Variants in TBC1D1 observed in about 807,000 individuals in gnomAD.
TBC1D1 encodes the protein TBC1 (tre-2/USP6, BUB2, cdc16) domain family, member 1.
Under a neutral mutation model 125.6 loss-of-function variants are expected in TBC1D1, and 89 were observed. The observed-to-expected ratio is 0.71, with a 90% CI of 0.60 to 0.85. The LOEUF (loss-of-function observed/expected upper bound fraction) is 0.85. TBC1D1 is among the 40% of genes least tolerant of loss of function. The probability of loss-of-function intolerance (pLI) is 0.00; values close to 1 mark genes in which losing one functional copy is unlikely to be tolerated. For missense variants in TBC1D1, 1,377 were observed against 1,469.2 expected (o/e 0.94, Z 1.03); for synonymous variants, 565 against 564.1 (o/e 1.00, Z -0.02).
At chr4:38,074,003 C>G (rs1755150177) in intron 12 of TBC1D1, among the ~76,000 whole-genome samples, 1 of 152,196 alleles carries the variant, frequency 6.6e-6, no homozygotes, top group African/African-American at 2.4e-5. Flanking sequence ...TGCCAAGGAT[C>G]TCTCTCAACC....
intron 2 of TBC1D1, among the ~76,000 whole-genome samples, chr4:37,920,610 C>A (rs1041016044): frequency 2.0e-5 from 3 of 152,040 alleles, no homozygotes; most frequent in Admixed American, 6.6e-5. Flanking sequence ...TGAAGTTCAG[C>A]GGAGTGGGCA....
chr4:37,961,115 T>G (rs1057451842), intron 2 of TBC1D1: 15 of 1,469,570 alleles, frequency 1.0e-5, no homozygotes, highest in African/African-American at 1.4e-5. Flanking sequence ...ACATAATAAA[T>G]ACATAAATAT....
At chr4:37,928,782 A>C (rs1271260922) in intron 2 of TBC1D1, among the ~76,000 whole-genome samples, 3 of 152,250 alleles carry the variant, frequency 2.0e-5, no homozygotes, top group African/African-American at 7.2e-5. Context: ...AAACTATTTC[A>C]ATCTTTTCTA....
At chr4:38,077,916 C>T (rs1755876990) in intron 12 of TBC1D1, among the ~76,000 whole-genome samples, 2 of 151,988 alleles carry the variant, frequency 1.3e-5, no homozygotes, top group Admixed American at 1.3e-4. Context: ...CTGCTTCCTG[C>T]GATGGGGTAG....
chr4:37,907,829 T>A (rs1396994765), intron 2 of TBC1D1, among the ~76,000 whole-genome samples: 1 of 152,220 alleles, frequency 6.6e-6, no homozygotes, highest in Non-Finnish European at 1.5e-5. Context: ...CTCCAGTTCT[T>A]CAGCCTTGTC....
At chr4:38,043,443 C>G (rs1361010145) in intron 8 of TBC1D1, among the ~76,000 whole-genome samples, 2 of 151,722 alleles carry the variant, frequency 1.3e-5, no homozygotes, top group African/African-American at 4.8e-5. Flanking sequence ...ACAAAAACTA[C>G]AAAAAATTAG....
chr4:37,934,801 G>A (rs142869665), intron 2 of TBC1D1, among the ~76,000 whole-genome samples: 101 of 152,274 alleles, frequency 6.6e-4, no homozygotes, highest in African/African-American at 2.2e-3. Flanking sequence ...CAGAGTGGGC[G>A]TGGTTTTGCT....
In TBC1D1 at chr4:37,977,430, C is replaced by G; in HGVS notation, c.418-37079C>G. ...GCTCCCCAAGCCCGCCCCCGGCCGC[C>G]CGCGGGCCCACGGGCCGGCGGCGGG... On this transcript the variant is annotated intron_variant, in intron 2 of 19. Transcript: ENST00000261439. The surrounding 1 kb of genome is among the most constrained non-coding windows in gnomAD (Gnocchi z 4.3). 2 of 966,206 alleles carry G rather than the reference C, an allele frequency of 2.1e-6. No individual in the cohort carries two copies. Among genetic ancestry groups the G allele is most frequent in the Non-Finnish European group, 2.5e-6 (2 of 812,718 alleles). 59.9% of individuals were successfully genotyped at this position (966,206 alleles called of 1,614,324 possible).
At chr4:37,999,422 CAG>C (rs1738537899) in intron 2 of TBC1D1, among the ~76,000 whole-genome samples, 1 of 152,092 alleles carries the variant, frequency 6.6e-6, no homozygotes, top group African/African-American at 2.4e-5. Flanking sequence ...TTTAGAGAAA[CAG>C]AAACTGCCTC....
chr4:38,110,491 A>G lies in TBC1D1; in HGVS notation c.2558-5219A>G, dbSNP rs137858930. On this transcript the variant is annotated intron_variant, in intron 15 of 19. Coordinates refer to ENST00000261439, the MANE Select transcript of TBC1D1 (RefSeq NM_015173.4). ...CCGTTAGATGAGCAAAATTTTGTGG[A>G]GCACTTCATGAAGAGGAATTACTAG... 3.0e-6 allele frequency: 3 copies of G among 985,436 alleles called. No homozygotes were observed. In the East Asian group the frequency reaches 3.4e-4, roughly 112 times the overall value. 61.0% of individuals were successfully genotyped at this position (985,436 alleles called of 1,614,324 possible).
At chr4:37,956,041 T>G (rs1728871953) in intron 2 of TBC1D1, among the ~76,000 whole-genome samples, 1 of 152,136 alleles carries the variant, frequency 6.6e-6, no homozygotes, top group South Asian at 2.1e-4. Flanking sequence ...ACTTTTTTTT[T>G]TTTTTTGAAA....
rs546599641 is a variant in TBC1D1 at position 38,029,513 on chromosome 4, G to A, written c.1302+1634G>A. On this transcript the variant is annotated intron_variant, in intron 7 of 19. Coordinates refer to ENST00000261439, the MANE Select transcript of TBC1D1 (RefSeq NM_015173.4). The stretch of plus-strand genomic sequence containing the variant: ...CTCCCAAGTAGCTGAGATTTCAGCC[G>A]CCTGCCACCACCACACTGCTAAGTT... 3.9e-5 allele frequency among the ~76,000 whole-genome samples: 6 copies of A among 152,194 alleles called. 1 individual carries two copies. In the South Asian group the frequency reaches 8.3e-4, roughly 21 times the overall value.
intron 2 of TBC1D1, among the ~76,000 whole-genome samples, chr4:37,985,075 C>T (rs909888438): frequency 6.6e-6 from 1 of 151,868 alleles, no homozygotes; most frequent in African/African-American, 2.4e-5. Flanking sequence ...GCCTCAGCCT[C>T]CCGAGTAGTT....
chr4:37,950,129 C>T (rs1004559491), intron 2 of TBC1D1, among the ~76,000 whole-genome samples: 1 of 152,160 alleles, frequency 6.6e-6, no homozygotes, highest in Non-Finnish European at 1.5e-5. Flanking sequence ...CAAACCAGGA[C>T]AATACGATAT....
intron 12 of TBC1D1, among the ~76,000 whole-genome samples, chr4:38,072,852 G>T (rs182136608): frequency 1.3e-5 from 2 of 152,146 alleles, no homozygotes; most frequent in African/African-American, 4.8e-5. Flanking sequence ...ACTCATTTAA[G>T]TAGAGTCATA....
intron 8 of TBC1D1, among the ~76,000 whole-genome samples, chr4:38,041,595 T>C (rs568347852): frequency 6.6e-6 from 1 of 152,320 alleles, no homozygotes; most frequent in Non-Finnish European, 1.5e-5. Flanking sequence ...AATTAGGTTA[T>C]GCAGTGAATA....
chr4:38,043,564 C>T (rs1029082221), intron 8 of TBC1D1, among the ~76,000 whole-genome samples: 10 of 142,930 alleles, frequency 7.0e-5, no homozygotes, highest in African/African-American at 2.7e-4. Flanking sequence ...GCCTGGGCAA[C>T]AAAGTGAGAC....
At chr4:38,030,647 A>C (rs1467173884) in intron 7 of TBC1D1, among the ~76,000 whole-genome samples, 70 of 152,232 alleles carry the variant, frequency 4.6e-4, no homozygotes, top group Non-Finnish European at 5.9e-5. Context: ...CATACATTTC[A>C]AAAAGGTTGT....
intron 17 of TBC1D1, among the ~76,000 whole-genome samples, chr4:38,124,240 A>G (rs1404564219): frequency 2.0e-5 from 3 of 152,078 alleles, no homozygotes; most frequent in Admixed American, 6.5e-5. Context: ...CAGCAGCTTC[A>G]ACTCTATGAG....
Sources: allele counts gnomAD v4.1 joint callset (sites outside exome capture counted in the v4.1 genomes callset), GRCh38; gene constraint gnomAD v4.1.1; non-coding constraint Gnocchi (gnomAD v3.1); transcripts MANE v1.5; gene names NCBI Gene and HGNC (gene_info 2026-07-23, HGNC 2026-07-21).